ZCWPW2: variants seen among roughly 807,000 people sequenced by gnomAD.
ZCWPW2 encodes zinc finger CW-type and PWWP domain containing 2.
Under a neutral mutation model 46.6 loss-of-function variants are expected in ZCWPW2, and 45 were observed. The observed-to-expected ratio is 0.96, with a 90% CI of 0.76 to 1.24. The LOEUF (loss-of-function observed/expected upper bound fraction) is 1.24. ZCWPW2 is among the 50% of genes most tolerant of loss of function. The pLI is 0.00. For missense variants in ZCWPW2, 429 were observed against 403.9 expected (o/e 1.06, Z -0.53); for synonymous variants, 152 against 137.1 (o/e 1.11, Z -0.76).
intron 4 of ZCWPW2, among the ~76,000 whole-genome samples, chr3:28,469,998 A>G (rs553680192): frequency 6.4e-4 from 98 of 152,326 alleles, no homozygotes; most frequent in African/African-American, 2.3e-3. Context: ...CAGCACATGG[A>G]TGATTCTAAA....
chr3:28,432,688 G>T (rs1697314073), intron 3 of ZCWPW2, among the ~76,000 whole-genome samples: 1 of 151,996 alleles, frequency 6.6e-6, no homozygotes, highest in Admixed American at 6.6e-5. Flanking sequence ...TGATAATTTT[G>T]ATTTTAGAGT....
At chr3:28,508,443 C>G (rs1376922968) in intron 6 of ZCWPW2, among the ~76,000 whole-genome samples, 2 of 151,990 alleles carry the variant, frequency 1.3e-5, no homozygotes, top group Non-Finnish European at 2.9e-5. Context: ...ATGAAAATAG[C>G]TACATGAGGT....
chr3:28,488,855 C>G (rs1365080051), intron 5 of ZCWPW2, among the ~76,000 whole-genome samples: 2 of 152,114 alleles, frequency 1.3e-5, no homozygotes, highest in Non-Finnish European at 2.9e-5. Flanking sequence ...ATCTTTCTCA[C>G]AAGAGAAAAT....
Position 28,524,964 on chromosome 3 carries a change from G to C in ZCWPW2, c.*276G>C, listed in dbSNP as rs572264660. On this transcript the variant is annotated 3_prime_UTR_variant, in exon 10 of 10. Transcript: ENST00000383768. ...AATTTTTAAATGGTTTGTGAAATTT[G>C]CCTAACAAACATATGTTTTACAATG... The C allele has an allele frequency of 5.4e-6, 1 of 185,936 alleles. No individual in the cohort carries two copies. The highest frequency in any genetic ancestry group is 1.1e-5 in the Non-Finnish European group (1 of 92,070). 11.5% of individuals were successfully genotyped at this position (185,936 alleles called of 1,614,324 possible). A position where few individuals can be genotyped will look rare whatever the true frequency, so the allele number is the denominator to read the frequency against.
chr3:28,377,517 A>C (rs1262547254), intron 1 of ZCWPW2, among the ~76,000 whole-genome samples: 1 of 152,220 alleles, frequency 6.6e-6, no homozygotes, highest in East Asian at 1.9e-4. Flanking sequence ...AAAGTGGTCA[A>C]CTGAATTAAA....
At chr3:28,352,307 C>G (rs1704584078) in intron 1 of ZCWPW2, among the ~76,000 whole-genome samples, 1 of 152,150 alleles carries the variant, frequency 6.6e-6, no homozygotes, top group Non-Finnish European at 1.5e-5. Context: ...AACATAAAGG[C>G]TTTCCCGGGG....
At chr3:28,352,562 G>T (rs1003797769) in intron 1 of ZCWPW2, among the ~76,000 whole-genome samples, 1 of 152,152 alleles carries the variant, frequency 6.6e-6, no homozygotes, top group African/African-American at 2.4e-5. Context: ...GGCAAAATTG[G>T]TGAGTTACAG....
At chr3:28,370,975 G>T (rs183163913) in intron 1 of ZCWPW2, among the ~76,000 whole-genome samples, 9 of 151,840 alleles carry the variant, frequency 5.9e-5, no homozygotes, top group Admixed American at 5.2e-4. Flanking sequence ...CAGGTGATCC[G>T]CCTGCCTCAG....
intron 7 of ZCWPW2, among the ~76,000 whole-genome samples, chr3:28,514,370 A>C (rs1477099134): frequency 6.6e-6 from 1 of 152,120 alleles, no homozygotes; most frequent in Non-Finnish European, 1.5e-5. Context: ...AGTAATAAAA[A>C]CACGTTAAAG....
intron 9 of ZCWPW2, 25 bp from the exon 10 acceptor site, chr3:28,524,502 G>A (rs771724516): frequency 2.6e-5 from 42 of 1,594,286 alleles, no homozygotes; most frequent in South Asian, 4.7e-5. Flanking sequence ...ACATAGTTCC[G>A]ATTAATTATA....
intron 6 of ZCWPW2, among the ~76,000 whole-genome samples, chr3:28,511,336 T>C (rs1354540741): frequency 6.6e-6 from 1 of 152,160 alleles, no homozygotes; most frequent in Non-Finnish European, 1.5e-5. Flanking sequence ...CAAATGAATG[T>C]ACATAATGTA....
At chr3:28,390,829 A>G (rs960320369) in intron 2 of ZCWPW2, among the ~76,000 whole-genome samples, 1 of 152,228 alleles carries the variant, frequency 6.6e-6, no homozygotes, top group Non-Finnish European at 1.5e-5. Context: ...AGGTTGTGGA[A>G]TCTTCTTACA....
chr3:28,413,437 G>C, intron 3 of ZCWPW2, 37 bp downstream of exon 3: 1 of 1,506,874 alleles, frequency 6.6e-7, no homozygotes, highest in South Asian at 1.3e-5. Context: ...TTGAAATGTA[G>C]TCTTGCTAGG....
chr3:28,493,095 CT>C (rs11426111), intron 6 of ZCWPW2, among the ~76,000 whole-genome samples: 1,399 of 77,052 alleles, frequency 0.018, 11 homozygotes, highest in African/African-American at 0.025. Context: ...CTTGGCTTTT[CT>C]TTTTTTTTTT....
chr3:28,426,298 T>A (rs1697008872), intron 3 of ZCWPW2, among the ~76,000 whole-genome samples: 1 of 151,738 alleles, frequency 6.6e-6, no homozygotes, highest in Non-Finnish European at 1.5e-5. Flanking sequence ...GAGTCTGGAC[T>A]CTTTAGAGAA....
chr3:28,433,762 AAAAAAAAC>A (rs1458516399), intron 3 of ZCWPW2, among the ~76,000 whole-genome samples: 13 of 131,404 alleles, frequency 9.9e-5, no homozygotes, highest in Admixed American at 2.3e-4. Flanking sequence ...TCTTAAAAAA[AAAAAAAAC>A]AAAAAACAAA....
At chr3:28,494,904 A>C (rs1699934921) in intron 6 of ZCWPW2, among the ~76,000 whole-genome samples, 1 of 147,366 alleles carries the variant, frequency 6.8e-6, no homozygotes, top group Non-Finnish European at 1.5e-5. Flanking sequence ...GAGAACTACA[A>C]ACCACTGCTC....
chr3:28,392,344 A>C (rs1446849489), intron 2 of ZCWPW2, among the ~76,000 whole-genome samples: 1 of 152,240 alleles, frequency 6.6e-6, no homozygotes, highest in Non-Finnish European at 1.5e-5. Flanking sequence ...TGAAGGCAGA[A>C]ATAGACAGGA....
chr3:28,514,215 A>T (rs916219293), intron 7 of ZCWPW2, 93 bp downstream of exon 7: 3 of 814,026 alleles, frequency 3.7e-6, no homozygotes, highest in Non-Finnish European at 5.1e-6. Flanking sequence ...CCTAAACAAC[A>T]TCTTTACGTC....
Sources: gnomAD v4.1 joint callset for allele counts (sites outside exome capture counted in the v4.1 genomes callset) on GRCh38, gnomAD v4.1.1 for gene constraint, MANE v1.5 for transcripts, NCBI Gene and HGNC (gene_info 2026-07-23, HGNC 2026-07-21) for gene names.